The following RASGEF1C variants were observed in gnomAD, a reference collection of about 807,000 sequenced individuals.
RASGEF1C encodes ras-GEF domain-containing family member 1C.
A neutral mutation model predicts 58.1 loss-of-function variants in RASGEF1C; 27 were observed. That is an observed-to-expected ratio of 0.46 (90% CI 0.34 to 0.64). The LOEUF is 0.64. RASGEF1C is among the 30% of genes least tolerant of loss of function. RASGEF1C has a pLI of 0.01. For missense variants in RASGEF1C, 502 were observed against 605.1 expected, an observed-to-expected ratio of 0.83 and a Z score of 1.79; for synonymous variants, 243 against 246.3, an observed-to-expected ratio of 0.99 and a Z score of 0.13.
chr5:180,190,314 C>CT (rs796344762), intron 1 of RASGEF1C, among the ~76,000 whole-genome samples: 51 of 151,844 alleles, frequency 3.4e-4, no homozygotes, highest in African/African-American at 1.1e-3. Context: ...GGTGAAACCC[C>CT]GTCTCTACTA....
intron 1 of RASGEF1C, among the ~76,000 whole-genome samples, chr5:180,203,879 G>C (rs1333881857): frequency 6.6e-6 from 1 of 152,142 alleles, no homozygotes; most frequent in Non-Finnish European, 1.5e-5. Flanking sequence ...TGTAATCCCA[G>C]CCACTTGGGA....
chr5:180,175,956 C>T (rs1165578768), intron 1 of RASGEF1C, among the ~76,000 whole-genome samples: 1 of 152,226 alleles, frequency 6.6e-6, no homozygotes, highest in Admixed American at 6.5e-5. Flanking sequence ...CCACTGCACT[C>T]CAGCCTGGGC....
rs6877634 is a variant in RASGEF1C at position 180,103,267 on chromosome 5, T to G, written c.1304-1124A>C. Reference sequence around the variant, plus strand: ...TAATGTTTTGTATTTTTAGTAGAGATGGGGTTTCACCGTGTTAGCCAGGAT... The same window carrying G: ...TAATGTTTTGTATTTTTAGTAGAGAGGGGGTTTCACCGTGTTAGCCAGGAT... On this transcript the variant is annotated intron_variant, in intron 12 of 13. Coordinates refer to ENST00000361132, the MANE Select transcript of RASGEF1C (RefSeq NM_175062.4). 4.6e-5 allele frequency among the ~76,000 whole-genome samples: 7 copies of G among 151,982 alleles called. No homozygotes were observed. In the East Asian group the frequency reaches 9.7e-4, roughly 21 times the overall value.
intron 4 of RASGEF1C, among the ~76,000 whole-genome samples, chr5:180,129,765 G>A (rs1240248492): frequency 2.0e-5 from 3 of 152,194 alleles, no homozygotes; most frequent in Non-Finnish European, 4.4e-5. Flanking sequence ...CTCTGCCAGT[G>A]CCCAGGCCGG....
intron 1 of RASGEF1C, among the ~76,000 whole-genome samples, chr5:180,157,412 G>A (rs182688146): frequency 5.0e-4 from 76 of 152,056 alleles, no homozygotes; most frequent in Admixed American, 2.0e-3. Flanking sequence ...ACCTGAGGTC[G>A]GGAGTTCGAG....
At chr5:180,181,661 T>C (rs1767329546) in intron 1 of RASGEF1C, among the ~76,000 whole-genome samples, 1 of 152,178 alleles carries the variant, frequency 6.6e-6, no homozygotes, top group African/African-American at 2.4e-5. Flanking sequence ...GGAAGGGTTC[T>C]ATTGGGTTCA....
intron 6 of RASGEF1C, among the ~76,000 whole-genome samples, chr5:180,121,670 CACACACA>C (rs1485027341): frequency 8.9e-5 from 8 of 89,768 alleles, no homozygotes; most frequent in African/African-American, 2.1e-4. Context: ...CACACACACA[CACACACA>C]CACACCCTCA....
rs1766606903 is a variant in RASGEF1C, at chr5:180,143,059, G to T, written c.-6-5001C>A. Among the ~76,000 whole-genome samples, 1 of 152,070 alleles carries T rather than the reference G, an allele frequency of 6.6e-6. No homozygotes were observed. The highest frequency in any genetic ancestry group is 2.1e-4 in the South Asian group (1 of 4,834). The stretch of plus-strand genomic sequence containing the variant: ...GCCCCTCAGGCATCTCTCCTTGTGT[G>T]TGTCTCCAGGCCCTGCACCTGGAGG... On this transcript the variant is annotated intron_variant, in intron 1 of 13. Coordinates refer to ENST00000361132, the MANE Select transcript of RASGEF1C (RefSeq NM_175062.4). The surrounding 1 kb of genome is among the most constrained non-coding windows in gnomAD (Gnocchi z 4.3).
Position 180,184,253 on chromosome 5 carries a change from G to A in RASGEF1C, c.-7+24775C>T, listed in dbSNP as rs575082277. Among the ~76,000 whole-genome samples the A allele has an allele frequency of 3.3e-5, 5 of 152,158 alleles. No homozygotes were observed. In the South Asian group the frequency reaches 1.0e-3, roughly 32 times the overall value. On this transcript the variant is annotated intron_variant, in intron 1 of 13. Transcript: ENST00000361132. ...CAACAATATCTTAATCACATTAAAT[G>A]TAAATGTTCTAAACAATCCAATTAA...
At chr5:180,203,974 C>A (rs1026088927) in intron 1 of RASGEF1C, among the ~76,000 whole-genome samples, 2 of 148,394 alleles carry the variant, frequency 1.3e-5, no homozygotes, top group African/African-American at 2.5e-5. Flanking sequence ...GCCTGGGCGA[C>A]AGAGTGAGAC....
chr5:180,114,945 G>C (rs996906079), intron 10 of RASGEF1C, among the ~76,000 whole-genome samples: 8 of 152,204 alleles, frequency 5.3e-5, no homozygotes, highest in Admixed American at 5.2e-4. Flanking sequence ...GGCACCGGGA[G>C]GTGCAGTCCC....
intron 12 of RASGEF1C, among the ~76,000 whole-genome samples, chr5:180,103,565 C>T (rs190945847): frequency 6.6e-6 from 1 of 152,210 alleles, no homozygotes; most frequent in Admixed American, 6.5e-5. Context: ...TGCTGAACTC[C>T]CTTATTAGTT....
At chr5:180,154,793 G>T (rs575163508) in intron 1 of RASGEF1C, among the ~76,000 whole-genome samples, 1 of 152,192 alleles carries the variant, frequency 6.6e-6, no homozygotes, top group African/African-American at 2.4e-5. Flanking sequence ...GTGTTAGCCA[G>T]GATGGTCTCG....
rs1289879858 is a variant in RASGEF1C, at chr5:180,155,969, G to T, written c.-6-17911C>A. ...GTTATCCAATTAGAGCAAAGCCTGGGCTTTGCTTCGAGACAATTACTATTA... is the reference window on the plus strand; with the variant it reads ...GTTATCCAATTAGAGCAAAGCCTGGTCTTTGCTTCGAGACAATTACTATTA... On this transcript the variant is annotated intron_variant, in intron 1 of 13. Coordinates refer to ENST00000361132, the MANE Select transcript of RASGEF1C (RefSeq NM_175062.4). This position sits in a 1 kb window ranked among gnomAD's most constrained non-coding sequence, Gnocchi z 5.2. Among the ~76,000 whole-genome samples, 1 of 152,066 alleles carries T rather than the reference G, an allele frequency of 6.6e-6. No individual in the cohort carries two copies. The highest frequency in any genetic ancestry group is 6.5e-5 in the Admixed American group (1 of 15,270).
intron 1 of RASGEF1C, among the ~76,000 whole-genome samples, chr5:180,191,425 C>T (rs1437211846): frequency 2.0e-5 from 3 of 152,104 alleles, no homozygotes; most frequent in African/African-American, 7.2e-5. Context: ...GGCGCGATCT[C>T]AGCTCACTGC....
chr5:180,149,622 A>G (rs962167507), intron 1 of RASGEF1C, among the ~76,000 whole-genome samples: 14 of 150,854 alleles, frequency 9.3e-5, no homozygotes, highest in African/African-American at 3.4e-4. Flanking sequence ...CGCCCAGCTA[A>G]TTTTTGTATT....
chr5:180,140,550 GAGA>G (rs1261613858), intron 1 of RASGEF1C, among the ~76,000 whole-genome samples: 1 of 152,188 alleles, frequency 6.6e-6, no homozygotes, highest in Non-Finnish European at 1.5e-5. Flanking sequence ...TGGCCCCTAA[GAGA>G]AGGTGAGGTC....
chr5:180,164,155 T>G lies in RASGEF1C; in HGVS notation c.-6-26097A>C, dbSNP rs145196317. Among the ~76,000 whole-genome samples, 382 of 152,334 alleles carry G rather than the reference T, an allele frequency of 2.5e-3. 3 individuals carry two copies. The highest frequency in any genetic ancestry group is 8.5e-3 in the African/African-American group (355 of 41,580). On this transcript the variant is annotated intron_variant, in intron 1 of 13. Transcript: ENST00000361132. ...ATCGCTAGAGATTTGTCAATTGTAT[T>G]GATCTTTCTAAAGAAACAGCTTTTG... is the stretch of plus-strand genomic sequence containing the variant.
intron 1 of RASGEF1C, among the ~76,000 whole-genome samples, chr5:180,199,361 T>G (rs1320704235): frequency 2.0e-5 from 3 of 152,180 alleles, no homozygotes; most frequent in Non-Finnish European, 4.4e-5. Context: ...ATCCAAGCCT[T>G]CATCACTGAC....
Sources: gnomAD v4.1 joint callset for allele counts (sites outside exome capture counted in the v4.1 genomes callset) on GRCh38, gnomAD v4.1.1 for gene constraint, Gnocchi (gnomAD v3.1) non-coding constraint, MANE v1.5 for transcripts, NCBI Gene and HGNC (gene_info 2026-07-23, HGNC 2026-07-21) for gene names.